KANSL1L: variants seen among roughly 807,000 people sequenced by gnomAD.
The protein encoded by KANSL1L is KAT8 regulatory NSL complex subunit 1-like protein.
In KANSL1L, 25 loss-of-function variants were observed where a neutral mutation model predicts 108.6. The observed-to-expected ratio is 0.23, with a 90% confidence interval of 0.17 to 0.32. The LOEUF is 0.32. Ranked by LOEUF, KANSL1L falls within the 10% of genes least tolerant of loss-of-function variation. KANSL1L has a pLI of 1.00. For missense variants in KANSL1L, 1,137 were observed against 1,125.7 expected (o/e 1.01, Z -0.14); for synonymous variants, 405 against 395.1 (o/e 1.03, Z -0.30).
At chr2:210,050,881 C>CTA (rs948654098) in intron 6 of KANSL1L, among the ~76,000 whole-genome samples, 2 of 151,934 alleles carry the variant, frequency 1.3e-5, no homozygotes, top group African/African-American at 4.8e-5. Context: ...GTAGCTGGGA[C>CTA]TATAGGTGCA....
At chr2:210,125,472 C>T (rs1207084047) in intron 3 of KANSL1L, among the ~76,000 whole-genome samples, 3 of 152,114 alleles carry the variant, frequency 2.0e-5, no homozygotes, top group Non-Finnish European at 2.9e-5. Context: ...TTCTGTGAGG[C>T]CAGCATTATC....
intron 6 of KANSL1L, among the ~76,000 whole-genome samples, chr2:210,064,816 C>CAAAAAAAAAAAAA (rs1225600863): frequency 9.6e-6 from 1 of 104,420 alleles, no homozygotes. Flanking sequence ...CCCTCCCCCA[C>CAAAAAAAAAAAAA]CAAAAAAAAA....
rs2094507142 is a variant in KANSL1L, at chr2:210,071,438, T to C, written c.1755+4114A>G. ...ACAAACCATGATGCCTGGCTAATTT[T>C]TGTATTTTTTAGTAGAGACGGGATT... On this transcript the variant is annotated intron_variant, in intron 6 of 14. Coordinates refer to ENST00000281772, the MANE Select transcript of KANSL1L (RefSeq NM_152519.4). Among the ~76,000 whole-genome samples, 4 of 151,830 alleles carry C rather than the reference T, an allele frequency of 2.6e-5. No individual in the cohort carries two copies. In the South Asian group the frequency reaches 8.3e-4, roughly 32 times the overall value.
chr2:210,063,600 T>C (rs1449980695), intron 6 of KANSL1L, among the ~76,000 whole-genome samples: 8 of 152,286 alleles, frequency 5.3e-5, no homozygotes, highest in South Asian at 2.1e-4. Context: ...GTGTGAGACA[T>C]AGAGTCAAAG....
chr2:210,102,610 A>C (rs1315410624), intron 4 of KANSL1L, among the ~76,000 whole-genome samples: 1 of 152,228 alleles, frequency 6.6e-6, no homozygotes, highest in Admixed American at 6.5e-5. Context: ...GAACTCAAAC[A>C]AATTTACGAG....
At chr2:210,030,534 A>AGTGTGT (rs200978066) in intron 9 of KANSL1L, among the ~76,000 whole-genome samples, 15 of 128,704 alleles carry the variant, frequency 1.2e-4, no homozygotes, top group South Asian at 2.5e-4. Context: ...GTTCCCAGTT[A>AGTGTGT]CTGTGTGTGT....
At chr2:210,058,858 T>C (rs1462843982) in intron 6 of KANSL1L, among the ~76,000 whole-genome samples, 4 of 144,246 alleles carry the variant, frequency 2.8e-5, no homozygotes, top group Non-Finnish European at 6.0e-5. Flanking sequence ...AAAAAAAACC[T>C]TGCTGGTTTT....
Position 210,031,524 on chromosome 2 carries a change from C to A in KANSL1L, c.2052G>T (p.Trp684Cys), listed in dbSNP as rs765104136. The change falls in exon 9 of 15, where the codon TGG becomes TGT. Residue 684 changes from tryptophan to cysteine, a missense_variant. Trp to Cys is a radical substitution (Grantham distance 215). Coordinates refer to ENST00000281772, the MANE Select transcript of KANSL1L (RefSeq NM_152519.4). ...TACATATAGGTGAATATCCATTTCT[C>A]CATTGATTCAGAGTACTATGTACTA... ...PSPVHSTLNQ[W>C]RNGYSPICKP... The A allele has an allele frequency of 4.5e-6, 7 of 1,550,740 alleles. No homozygotes were observed. In the Admixed American group the frequency reaches 7.0e-5, roughly 16 times the overall value.
At chr2:210,098,422 T>A (rs1366782603) in intron 4 of KANSL1L, among the ~76,000 whole-genome samples, 1 of 152,202 alleles carries the variant, frequency 6.6e-6, no homozygotes, top group Non-Finnish European at 1.5e-5. Flanking sequence ...ATATCCTTTT[T>A]TTATTATTGT....
intron 1 of KANSL1L, among the ~76,000 whole-genome samples, chr2:210,162,076 A>T (rs2041653): frequency 1 from 146,428 of 146,774 alleles, 73,041 homozygotes; most frequent in Middle Eastern, 1. Flanking sequence ...AAAAAAAAAA[A>T]ATATATATAT....
At chr2:210,135,611 G>T (rs1177330582) in intron 2 of KANSL1L, among the ~76,000 whole-genome samples, 2 of 152,098 alleles carry the variant, frequency 1.3e-5, no homozygotes, top group Non-Finnish European at 2.9e-5. Context: ...GAAATGAAAT[G>T]AAGTACCAGT....
At chr2:210,119,101 T>C (rs1369017447) in intron 3 of KANSL1L, among the ~76,000 whole-genome samples, 1 of 151,930 alleles carries the variant, frequency 6.6e-6, no homozygotes, top group Non-Finnish European at 1.5e-5. Context: ...GGAGAATCTC[T>C]TGAACCTGGG....
At chr2:210,068,303 T>A (rs2094482211) in intron 6 of KANSL1L, among the ~76,000 whole-genome samples, 1 of 152,210 alleles carries the variant, frequency 6.6e-6, no homozygotes, top group Admixed American at 6.5e-5. Context: ...TTTCTTGTTT[T>A]TTTTAGCCAT....
chr2:210,129,562 C>T (rs1161559325), intron 2 of KANSL1L, among the ~76,000 whole-genome samples: 1 of 152,046 alleles, frequency 6.6e-6, no homozygotes, highest in Non-Finnish European at 1.5e-5. Flanking sequence ...CCAGACAATC[C>T]ATTTGAATGG....
chr2:210,096,523 C>T, intron 5 of KANSL1L: 3 of 984,848 alleles, frequency 3.0e-6, no homozygotes, highest in Non-Finnish European at 3.6e-6. Flanking sequence ...CATGAACACA[C>T]ACATGTAACT....
intron 3 of KANSL1L, among the ~76,000 whole-genome samples, chr2:210,120,026 C>T (rs1176391032): frequency 6.6e-6 from 1 of 152,144 alleles, no homozygotes; most frequent in Non-Finnish European, 1.5e-5. Context: ...AATGAGACCA[C>T]ACACCTACAA....
chr2:210,133,027 C>A (rs1375686551), intron 2 of KANSL1L, among the ~76,000 whole-genome samples: 6 of 151,952 alleles, frequency 3.9e-5, no homozygotes, highest in Non-Finnish European at 2.9e-5. Context: ...TCAGTTTGGT[C>A]ATTTGTGTCT....
chr2:210,047,355 G>T (rs761716256), intron 6 of KANSL1L, among the ~76,000 whole-genome samples: 1 of 152,164 alleles, frequency 6.6e-6, no homozygotes, highest in African/African-American at 2.4e-5. Context: ...AACCAGGTTG[G>T]TCCTTCAGCA....
At chr2:210,105,537 G>T (rs953765592) in intron 3 of KANSL1L, among the ~76,000 whole-genome samples, 1 of 151,402 alleles carries the variant, frequency 6.6e-6, no homozygotes, top group Admixed American at 6.6e-5. Context: ...TTAAATGATT[G>T]CTGTGGGCCA....
Sources: allele counts gnomAD v4.1 joint callset (sites outside exome capture counted in the v4.1 genomes callset), GRCh38; gene constraint gnomAD v4.1.1; transcripts MANE v1.5; gene names NCBI Gene and HGNC (gene_info 2026-07-23, HGNC 2026-07-21).